PECAM1: variants seen among roughly 807,000 people sequenced by gnomAD.
PECAM1 encodes the protein platelet endothelial cell adhesion molecule.
A neutral mutation model predicts 13.8 loss-of-function variants in PECAM1; 8 were observed. That is an observed-to-expected ratio of 0.58 (90% CI 0.34 to 1.05). The LOEUF (loss-of-function observed/expected upper bound fraction) is 1.05. Among genes scored for constraint, PECAM1 ranks in the 50% least tolerant of loss-of-function variants. PECAM1 has a pLI of 0.03. For missense variants in PECAM1, 304 were observed against 141.2 expected (o/e 2.15, Z -5.84); for synonymous variants, 136 against 52.6 (o/e 2.58, Z -6.86).
At chr17:64,360,070 T>C (rs7216012) in intron 7 of PECAM1, 70 bp downstream of exon 7, 443,083 of 474,908 alleles carry the variant, frequency 0.93, 210,656 homozygotes, top group East Asian at 1. Flanking sequence ...CTCTTATTGT[T>C]CCCACAGTCC....
Position 64,323,831 on chromosome 17 carries a change from G to A in PECAM1, c.2202C>T (p.Ser734=), listed in dbSNP as rs782139639. Residue 734 remains serine, a synonymous_variant, in exon 16 of 16, where the codon TCC becomes TCT. Transcript: ENST00000563924. ...GCCTTGCTGTCTAAGTTCCATCAAGGGAGCCTTCCGTTCTCTGTAGCGACA... is the reference window on the plus strand; with the variant it reads ...GCCTTGCTGTCTAAGTTCCATCAAGAGAGCCTTCCGTTCTCTGTAGCGACA... ...VESRYSRTEG[S]LDGT is the part of the protein sequence containing the mutation. 1 of 827,568 alleles carries A rather than the reference G, an allele frequency of 1.2e-6. No homozygotes were observed. The highest frequency in any genetic ancestry group is 2.2e-6 in the Non-Finnish European group (1 of 460,898). The allele number at this position is 827,568 out of a possible 1,614,324, so 51.3% of individuals were successfully genotyped here.
chr17:64,380,519 G>C (rs1169145032), intron 2 of PECAM1, among the ~76,000 whole-genome samples: 1 of 152,164 alleles, frequency 6.6e-6, no homozygotes, highest in Admixed American at 6.5e-5. Context: ...GGGATTGAAA[G>C]TGACTATGTC....
At chr17:64,327,888 C>T (rs937388668) in intron 15 of PECAM1, among the ~76,000 whole-genome samples, 20 of 152,210 alleles carry the variant, frequency 1.3e-4, no homozygotes, top group African/African-American at 4.3e-4. Context: ...CCTCCCATTT[C>T]CCCACTGGGC....
At chr17:64,382,142 C>T (rs1288902394) in intron 2 of PECAM1, among the ~76,000 whole-genome samples, 7 of 152,162 alleles carry the variant, frequency 4.6e-5, no homozygotes, top group Admixed American at 1.3e-4. Context: ...AATTTCTCTG[C>T]ACTCCTCAAT....
At chr17:64,353,845 A>C (rs2035787226) in intron 9 of PECAM1, among the ~76,000 whole-genome samples, 1 of 152,108 alleles carries the variant, frequency 6.6e-6, no homozygotes, top group African/African-American at 2.4e-5. Context: ...TTTTAGCCAG[A>C]AGTGATTTTT....
intron 7 of PECAM1, among the ~76,000 whole-genome samples, chr17:64,359,547 G>A (rs1463905556): frequency 1.3e-5 from 2 of 152,162 alleles, no homozygotes; most frequent in Non-Finnish European, 2.9e-5. Context: ...AGTGCTAAGG[G>A]AGCCCATATG....
chr17:64,330,020 C>G (rs954508), intron 14 of PECAM1, among the ~76,000 whole-genome samples: 1 of 151,502 alleles, frequency 6.6e-6, no homozygotes, highest in African/African-American at 2.4e-5. Flanking sequence ...AGTGTGGTGG[C>G]GCCATCTTGG....
chr17:64,340,713 G>A (rs1363479259), intron 14 of PECAM1, among the ~76,000 whole-genome samples: 7 of 152,080 alleles, frequency 4.6e-5, no homozygotes, highest in South Asian at 4.2e-4. Flanking sequence ...GCAGTGGGTC[G>A]TCACGGGAAG....
rs386627305 is a variant in PECAM1, at chr17:64,377,617, A to AAAGGAAGG, written c.385+199_385+206dup. On this transcript the variant is annotated intron_variant, in intron 3 of 15. Coordinates refer to ENST00000563924, the MANE Select transcript of PECAM1 (RefSeq NM_000442.5). ...CAGAGTGAGACTCCATCAAAGAAAG[A>AAAGGAAGG]AAGGAAGGAAGGAAGGAAGGAAGGG... The AAAGGAAGG allele has an allele frequency of 5.2e-5, 13 of 252,146 alleles. 1 individual carries two copies. The highest frequency in any genetic ancestry group is 2.0e-4 in the Admixed American group (3 of 14,840). The allele number at this position is 252,146 out of a possible 1,614,324, so 15.6% of individuals were successfully genotyped here. A position where few individuals can be genotyped will look rare whatever the true frequency, so the allele number is the denominator to read the frequency against.
chr17:64,334,509 GC>G (rs1186248193), intron 14 of PECAM1, among the ~76,000 whole-genome samples: 2 of 151,838 alleles, frequency 1.3e-5, no homozygotes, highest in East Asian at 3.9e-4. Flanking sequence ...CCCACACTGG[GC>G]CCCAATTTTT....
intron 15 of PECAM1, among the ~76,000 whole-genome samples, chr17:64,327,082 G>A (rs1186450673): frequency 1.3e-5 from 2 of 152,208 alleles, no homozygotes; most frequent in Admixed American, 6.5e-5. Flanking sequence ...GCTAAGAAGT[G>A]GGAAGTCAAG....
In PECAM1 at chr17:64,321,986, T is replaced by G; in HGVS notation, c.*1830A>C. ...TTTGACCTCAATCTGAGCCCACCAC[T>G]CAGAAAACCTGGAAATTGTATGACA... On this transcript the variant is annotated 3_prime_UTR_variant, in exon 16 of 16. Transcript: ENST00000563924. 1 of 1,262,176 alleles carries G rather than the reference T, an allele frequency of 7.9e-7. No individual in the cohort carries two copies. The highest frequency in any genetic ancestry group is 1.0e-6 in the Non-Finnish European group (1 of 968,744). The allele number at this position is 1,262,176 out of a possible 1,614,324, so 78.2% of individuals were successfully genotyped here.
At chr17:64,370,319 A>C (rs997626575) in intron 4 of PECAM1, 7 of 238,104 alleles carry the variant, frequency 2.9e-5, no homozygotes, top group African/African-American at 1.6e-4. Flanking sequence ...AAATAACCAC[A>C]GTATTTAGAA....
chr17:64,353,465 C>T (rs939114065), intron 10 of PECAM1, 26 bp downstream of exon 10: 20 of 466,652 alleles, frequency 4.3e-5, no homozygotes, highest in African/African-American at 2.2e-4. Context: ...ACAGAGCAGC[C>T]GCCCCCTTCT....
chr17:64,345,711 T>TAAA (rs34143232), intron 13 of PECAM1, among the ~76,000 whole-genome samples: 52 of 81,592 alleles, frequency 6.4e-4, no homozygotes, highest in African/African-American at 1.8e-3. Context: ...AAGACTGTCA[T>TAAA]AAAAAAAAAA....
At position 64,321,870 on chromosome 17, in the gene PECAM1, C is replaced by T. The variant is rs2034817518; in HGVS notation, c.*1946G>A. 7.4e-7 allele frequency: 1 copy of T among 1,350,010 alleles called. No individual in the cohort carries two copies. Among genetic ancestry groups the T allele is most frequent in the African/African-American group, 1.5e-5 (1 of 67,676 alleles). 83.6% of individuals were successfully genotyped at this position (1,350,010 alleles called of 1,614,324 possible). On this transcript the variant is annotated 3_prime_UTR_variant, in exon 16 of 16. Coordinates refer to ENST00000563924, the MANE Select transcript of PECAM1 (RefSeq NM_000442.5). ...GGCAATTGCCCTTCTCTGGTGGTGG[C>T]AAGGGACTAAGGAACTCCCTGGACA...
intron 14 of PECAM1, among the ~76,000 whole-genome samples, chr17:64,338,650 C>T (rs1047832868): frequency 2.0e-5 from 3 of 152,012 alleles, no homozygotes; most frequent in East Asian, 1.9e-4. Flanking sequence ...CTCTGCCTCC[C>T]GGGTTCAAGC....
intron 2 of PECAM1, among the ~76,000 whole-genome samples, chr17:64,386,042 G>A (rs2036585790): frequency 1.3e-5 from 2 of 152,204 alleles, no homozygotes; most frequent in African/African-American, 4.8e-5. Flanking sequence ...AAGCTGATGA[G>A]GCCTGAGCTA....
At chr17:64,360,021 G>C (rs1398471043) in intron 7 of PECAM1, 119 bp downstream of exon 7, 1 of 473,248 alleles carries the variant, frequency 2.1e-6, no homozygotes, top group Non-Finnish European at 3.9e-6. Flanking sequence ...TAAAGTGCTG[G>C]GATTACAGGC....
Sources: gnomAD v4.1 joint callset for allele counts (sites outside exome capture counted in the v4.1 genomes callset) on GRCh38, gnomAD v4.1.1 for gene constraint, MANE v1.5 for transcripts, NCBI Gene and HGNC (gene_info 2026-07-23, HGNC 2026-07-21) for gene names.